Variants in PEAK1 observed in about 807,000 individuals in gnomAD.
PEAK1 encodes the protein inactive tyrosine-protein kinase PEAK1.
PEAK1 carries 54 observed loss-of-function variants against 124.7 expected under a neutral mutation model. The ratio of observed to expected loss-of-function variants is 0.43; its 90% confidence interval spans 0.35 to 0.54. The LOEUF (loss-of-function observed/expected upper bound fraction) is 0.54, where lower values mean the gene tolerates loss of function less well. Among genes scored for constraint, PEAK1 ranks in the 20% least tolerant of loss-of-function variants. The pLI, the probability that PEAK1 is intolerant of heterozygous loss-of-function variation, is 0.01. For synonymous variants in PEAK1, 719 were observed against 760.0 expected, an observed-to-expected ratio of 0.95 and a Z score of 0.89; for missense variants, 2,046 against 2,134.5, an observed-to-expected ratio of 0.96 and a Z score of 0.82.
In PEAK1 at chr15:77,114,498, G is replaced by A. The variant is rs547515248; in HGVS notation, c.4899C>T (p.Pro1633=). Residue 1633 remains proline, a synonymous_variant, in exon 10 of 10, where the codon CCC becomes CCT. Coordinates refer to ENST00000682557, the MANE Select transcript of PEAK1 (RefSeq NM_001385026.1). ...ADLPRIPFRS[P]YSRGLQQLAS... is the part of the protein sequence containing the mutation. ...CCAGCTGCTGCAGACCCCGGGAGTA[G>A]GGGGAGCGGAATGGGATGCGAGGCA... 85 of 1,613,908 alleles carry A rather than the reference G, an allele frequency of 5.3e-5. No individual in the cohort carries two copies. The highest frequency in any genetic ancestry group is 6.9e-5 in the Non-Finnish European group (82 of 1,179,976).
intron 2 of PEAK1, among the ~76,000 whole-genome samples, chr15:77,315,832 G>A (rs1341076397): frequency 6.6e-6 from 1 of 151,858 alleles, no homozygotes; most frequent in Non-Finnish European, 1.5e-5. Context: ...ACAGCCAAGA[G>A]AAGAATAAGA....
At chr15:77,162,260 G>A (rs1375288715) in intron 7 of PEAK1, among the ~76,000 whole-genome samples, 2 of 151,956 alleles carry the variant, frequency 1.3e-5, no homozygotes, top group African/African-American at 2.4e-5. Flanking sequence ...TTGGGAGGCC[G>A]ATGCAGGTGG....
chr15:77,361,612 TA>T (rs2067891034), intron 2 of PEAK1, among the ~76,000 whole-genome samples: 2 of 152,150 alleles, frequency 1.3e-5, no homozygotes, highest in African/African-American at 4.8e-5. Context: ...AAGGAACTCT[TA>T]TATACTGCTG....
At chr15:77,119,450 T>TGG (rs1325571974) in intron 9 of PEAK1, among the ~76,000 whole-genome samples, 6 of 152,236 alleles carry the variant, frequency 3.9e-5, no homozygotes, top group African/African-American at 1.4e-4. Flanking sequence ...AAGTATCTCA[T>TGG]GGCTCCTGAG....
intron 6 of PEAK1, among the ~76,000 whole-genome samples, chr15:77,209,337 T>C (rs547841880): frequency 2.6e-5 from 4 of 152,036 alleles, no homozygotes; most frequent in African/African-American, 9.6e-5. Context: ...ATCCATTTTA[T>C]CCTGGGCTTA....
intron 7 of PEAK1, among the ~76,000 whole-genome samples, chr15:77,173,837 C>T (rs2056673083): frequency 6.6e-6 from 1 of 152,148 alleles, no homozygotes; most frequent in African/African-American, 2.4e-5. Flanking sequence ...TAAAGATCTG[C>T]TTTGGATTTT....
At chr15:77,193,964 A>G (rs1416673805) in intron 6 of PEAK1, among the ~76,000 whole-genome samples, 1 of 152,202 alleles carries the variant, frequency 6.6e-6, no homozygotes, top group Non-Finnish European at 1.5e-5. Flanking sequence ...TATAATCTAT[A>G]TTCCAGAATT....
At chr15:77,231,772 A>C (rs1255217766) in intron 6 of PEAK1, among the ~76,000 whole-genome samples, 1 of 152,174 alleles carries the variant, frequency 6.6e-6, no homozygotes, top group Admixed American at 6.6e-5. Context: ...TCATCTAATA[A>C]TATATTTTAA....
intron 8 of PEAK1, 130 bp downstream of exon 8, chr15:77,158,373 A>T: frequency 1.2e-6 from 1 of 844,706 alleles, no homozygotes; most frequent in Non-Finnish European, 1.8e-6. Context: ...GTGACTTAAA[A>T]TTTGTAACTC....
At chr15:77,261,601 G>C (rs1013731159) in intron 5 of PEAK1, among the ~76,000 whole-genome samples, 1 of 152,128 alleles carries the variant, frequency 6.6e-6, no homozygotes. Context: ...AACAAATATA[G>C]GACTATGTGA....
At chr15:77,405,825 A>G (rs968350823) in intron 1 of PEAK1, among the ~76,000 whole-genome samples, 6 of 152,150 alleles carry the variant, frequency 3.9e-5, no homozygotes, top group Non-Finnish European at 7.4e-5. Context: ...AAATATGTGA[A>G]TAAGATCTAA....
Position 77,118,551 on chromosome 15 carries a change from C to G in PEAK1, c.4078-3232G>C, listed in dbSNP as rs144994451. 5.2e-3 allele frequency among the ~76,000 whole-genome samples: 793 copies of G among 152,226 alleles called. 6 individuals are homozygous for G. The highest frequency in any genetic ancestry group is 0.018 in the African/African-American group (752 of 41,532). ...TCCTGTCAAATTTTTTCCTTCTGCC[C>G]TTACCCAGTATTTTCTCTACCAGGG... On this transcript the variant is annotated intron_variant, in intron 9 of 9. Coordinates refer to ENST00000682557, the MANE Select transcript of PEAK1 (RefSeq NM_001385026.1).
At chr15:77,274,871 T>C (rs1288300940) in intron 5 of PEAK1, among the ~76,000 whole-genome samples, 1 of 152,146 alleles carries the variant, frequency 6.6e-6, no homozygotes, top group African/African-American at 2.4e-5. Context: ...CACATGCATG[T>C]TTATAGCAGC....
At position 77,180,646 on chromosome 15, in the gene PEAK1, C is replaced by G. The variant is rs2057202268; in HGVS notation, c.1281G>C (p.Lys427Asn). ...CTTCCTTCTCAGTTTGTACAGCAAT[C>G]TTGCCATCTTTCTCTTCTAATCGGA... The part of the protein sequence containing the change: ...LALRLEEKDG[K>N]IAVQTEKEES... Residue 427 changes from lysine (K) to asparagine (N), a missense_variant, in exon 7 of 10, where the codon AAG (lysine) becomes AAC (asparagine). Physicochemically the swap from Lys to Asn is moderately conservative, Grantham distance 94 (BLOSUM62 0). Coordinates refer to ENST00000682557, the MANE Select transcript of PEAK1 (RefSeq NM_001385026.1). The G allele has an allele frequency of 1.9e-6, 3 of 1,614,174 alleles. No homozygotes were observed. The highest frequency in any genetic ancestry group is 2.5e-6 in the Non-Finnish European group (3 of 1,180,016).
At chr15:77,225,695 T>TGA (rs1396347132) in intron 6 of PEAK1, among the ~76,000 whole-genome samples, 1 of 140,462 alleles carries the variant, frequency 7.1e-6, no homozygotes, top group African/African-American at 2.6e-5. Flanking sequence ...TATATATATA[T>TGA]ATGACAATTC....
chr15:77,168,263 A>C (rs1023861153), intron 7 of PEAK1, among the ~76,000 whole-genome samples: 12 of 151,682 alleles, frequency 7.9e-5, no homozygotes, highest in Non-Finnish European at 1.8e-4. Flanking sequence ...ACACACACAC[A>C]CATATTAATA....
chr15:77,183,412 A>T (rs1221677425), intron 6 of PEAK1, among the ~76,000 whole-genome samples: 1 of 152,236 alleles, frequency 6.6e-6, no homozygotes, highest in African/African-American at 2.4e-5. Flanking sequence ...TTTTTCAAAG[A>T]TAATACATAA....
chr15:77,261,052 G>C (rs2061413215), intron 5 of PEAK1, among the ~76,000 whole-genome samples: 1 of 152,188 alleles, frequency 6.6e-6, no homozygotes, highest in Non-Finnish European at 1.5e-5. Flanking sequence ...CAGACCTGCA[G>C]CTGAGGGTCC....
chr15:77,189,274 C>G (rs1239249132), intron 6 of PEAK1, among the ~76,000 whole-genome samples: 1 of 152,178 alleles, frequency 6.6e-6, no homozygotes, highest in Non-Finnish European at 1.5e-5. Flanking sequence ...ATTTGCCCTA[C>G]TTTACTGATG....
Sources: gnomAD v4.1 joint callset for allele counts (sites outside exome capture counted in the v4.1 genomes callset) on GRCh38, gnomAD v4.1.1 for gene constraint, MANE v1.5 for transcripts, NCBI Gene and HGNC (gene_info 2026-07-23, HGNC 2026-07-21) for gene names.